The following SPEF2 variants were observed in gnomAD, a reference collection of about 807,000 sequenced individuals.
SPEF2 encodes the protein sperm flagellar and cilia associated 2.
Under a neutral mutation model 224.6 loss-of-function variants are expected in SPEF2, and 187 were observed. The ratio of observed to expected loss-of-function variants is 0.83; its 90% CI spans 0.74 to 0.94. The LOEUF (loss-of-function observed/expected upper bound fraction) is 0.94, where lower values mean the gene tolerates loss of function less well. Among genes scored for constraint, SPEF2 ranks in the 40% least tolerant of loss-of-function variants. The pLI, the probability that SPEF2 is intolerant of heterozygous loss-of-function variation, is 0.00. For synonymous variants in SPEF2, 715 were observed against 707.3 expected (o/e 1.01, Z -0.17); for missense variants, 2,170 against 2,135.6 (o/e 1.02, Z -0.32).
At chr5:35,759,856 G>GTT (rs11427107) in intron 25 of SPEF2, 137 bp downstream of exon 25, 17,445 of 573,470 alleles carry the variant, frequency 0.03, 2 homozygotes, top group East Asian at 0.039. Flanking sequence ...AACCAAACAT[G>GTT]TTTTTTTTTT....
At chr5:35,689,149 T>C (rs191353436) in intron 10 of SPEF2, among the ~76,000 whole-genome samples, 136 of 152,330 alleles carry the variant, frequency 8.9e-4, no homozygotes, top group African/African-American at 3.2e-3. Flanking sequence ...TTTTAATAAG[T>C]ATAGTTCTAT....
At chr5:35,715,301 C>T (rs1742330548) in intron 20 of SPEF2, among the ~76,000 whole-genome samples, 1 of 151,968 alleles carries the variant, frequency 6.6e-6, no homozygotes, top group Admixed American at 6.6e-5. Context: ...TCACTCAAAA[C>T]TCACTAATGA....
chr5:35,703,877 A>G (rs1217600189), intron 16 of SPEF2, among the ~76,000 whole-genome samples: 1 of 152,320 alleles, frequency 6.6e-6, no homozygotes, highest in East Asian at 1.9e-4. Context: ...CTCGAACTCT[A>G]TTAATTTGCT....
chr5:35,670,168 C>A lies in SPEF2; in HGVS notation c.1465C>A (p.Gln489Lys), dbSNP rs1341291779. The change falls in exon 10 of 37, where the codon CAA becomes AAA. Residue 489 changes from glutamine to lysine, a missense_variant. Coordinates refer to ENST00000356031, the MANE Select transcript of SPEF2 (RefSeq NM_024867.4). Reference protein sequence around the residue: ...KTLPANPSREQLTELEKRDLL... With the variant: ...KTLPANPSREKLTELEKRDLL... ...ACTACCTGCTAACCCCTCAAGAGAA[C>A]AACTTACAGAACTGGAGAAAAGGGA... The A allele has an allele frequency of 6.2e-7, 1 of 1,612,124 alleles. No homozygotes were observed. Among genetic ancestry groups the A allele is most frequent in the Non-Finnish European group, 8.5e-7 (1 of 1,178,822 alleles).
chr5:35,801,796 G>A (rs915857213), intron 34 of SPEF2, among the ~76,000 whole-genome samples: 3 of 152,138 alleles, frequency 2.0e-5, no homozygotes, highest in Non-Finnish European at 4.4e-5. Context: ...TGACTTCCTT[G>A]AGATCTGCTT....
At chr5:35,656,603 T>C (rs1748985830) in intron 7 of SPEF2, among the ~76,000 whole-genome samples, 1 of 152,214 alleles carries the variant, frequency 6.6e-6, no homozygotes, top group African/African-American at 2.4e-5. Context: ...GTGTGTTGGC[T>C]GCAAGGTTTT....
At position 35,623,855 on chromosome 5, in the gene SPEF2, A is replaced by G. The variant is rs547032419; in HGVS notation, c.59-4605A>G. ...AGTAATAATAACAATAAAAATAATC[A>G]CTGAGCTTTTACTGGGGACCAGGCA... On this transcript the variant is annotated intron_variant, in intron 1 of 36. Transcript: ENST00000356031. Among the ~76,000 whole-genome samples the G allele has an allele frequency of 1.1e-4, 16 of 152,376 alleles. No homozygotes were observed. The Middle Eastern group carries it at 0.01, about 97-fold the overall frequency.
At chr5:35,778,499 T>C (rs1195793006) in intron 29 of SPEF2, among the ~76,000 whole-genome samples, 1 of 152,172 alleles carries the variant, frequency 6.6e-6, no homozygotes, top group African/African-American at 2.4e-5. Flanking sequence ...TTCCCAGCTG[T>C]TGCTGCTTTA....
intron 1 of SPEF2, among the ~76,000 whole-genome samples, chr5:35,627,390 A>C (rs1011623255): frequency 6.6e-5 from 10 of 152,184 alleles, no homozygotes; most frequent in Admixed American, 3.9e-4. Flanking sequence ...TCATGAAGTC[A>C]AAAGATCGAG....
intron 8 of SPEF2, among the ~76,000 whole-genome samples, chr5:35,664,846 G>GAA (rs386403558): frequency 1.3e-5 from 2 of 150,034 alleles, no homozygotes; most frequent in Non-Finnish European, 3.0e-5. Flanking sequence ...AGGAGAGAGA[G>GAA]AAAACGAGGG....
intron 20 of SPEF2, among the ~76,000 whole-genome samples, chr5:35,715,816 C>CCTTTTTTTTTTTTTTTTTT (rs70973054): frequency 8.5e-6 from 1 of 117,936 alleles, no homozygotes; most frequent in African/African-American, 3.2e-5. Flanking sequence ...GATATAATTT[C>CCTTTTTTTTTTTTTTTTTT]TTTTTTTTTT....
chr5:35,712,875 T>C lies in SPEF2; in HGVS notation c.2903T>C (p.Leu968Pro). 3.7e-6 allele frequency: 6 copies of C among 1,613,602 alleles called. No homozygotes were observed. The South Asian group carries it at 6.6e-5, about 18-fold the overall frequency. Reference protein sequence around the residue: ...EGKGKKGETALKRKGSPKGKS... With the variant: ...EGKGKKGETAPKRKGSPKGKS... ...AAAGGGAAGAAAGGTGAGACCGCAC[T>C]CAAAAGAAAAGGTACAGCAGATAAA... Residue 968 changes from leucine to proline, a missense_variant, in exon 20 of 37, where the codon CTC (leucine) becomes CCC (proline). Physicochemically the swap from Leu to Pro is moderately conservative, Grantham distance 98. Transcript: ENST00000356031.
In SPEF2 at chr5:35,811,565, C is replaced by T. The variant is rs2149880567; in HGVS notation, c.5380-2899C>T. Among the ~76,000 whole-genome samples, 3 of 150,280 alleles carry T rather than the reference C, an allele frequency of 2.0e-5. 1 individual carries two copies. The South Asian group carries it at 6.3e-4, about 32-fold the overall frequency. On this transcript the variant is annotated intron_variant, in intron 36 of 36. Transcript: ENST00000356031. ...CCTTCGGCAAGTGACCTCAAAGTGC[C>T]TTGGTGTCTGCATCTGTAAAATAGG...
chr5:35,644,225 G>T, intron 3 of SPEF2, 130 bp from the exon 4 acceptor site: 2 of 741,296 alleles, frequency 2.7e-6, no homozygotes, highest in East Asian at 5.9e-5. Context: ...AATGGGGTTT[G>T]AATTTAGCTT....
rs757767008 is a variant in SPEF2, at chr5:35,686,388, G to GA, written c.1525-4646dup. The stretch of plus-strand genomic sequence containing the variant: ...GCAAATGGAATAATATCTAGGTAAT[G>GA]AAATTATTACATAATCATGTTACTA... On this transcript the variant is annotated intron_variant, in intron 10 of 36. Coordinates refer to ENST00000356031, the MANE Select transcript of SPEF2 (RefSeq NM_024867.4). Among the ~76,000 whole-genome samples the GA allele has an allele frequency of 5.9e-5, 9 of 152,104 alleles. No individual in the cohort carries two copies. The South Asian group carries it at 1.9e-3, about 32-fold the overall frequency.
chr5:35,623,737 G>C (rs1201005296), intron 1 of SPEF2, among the ~76,000 whole-genome samples: 1 of 152,150 alleles, frequency 6.6e-6, no homozygotes, highest in African/African-American at 2.4e-5. Flanking sequence ...ACTGAATTGT[G>C]TTTTAAACAC....
At chr5:35,666,211 C>T (rs1199098281) in intron 8 of SPEF2, among the ~76,000 whole-genome samples, 3 of 152,094 alleles carry the variant, frequency 2.0e-5, no homozygotes, top group East Asian at 3.8e-4. Flanking sequence ...TGGGTTGTTA[C>T]AGGAGGGAAG....
intron 24 of SPEF2, among the ~76,000 whole-genome samples, chr5:35,756,078 CATAA>C (rs1016261554): frequency 1.3e-5 from 2 of 152,120 alleles, no homozygotes; most frequent in African/African-American, 2.4e-5. Flanking sequence ...TGGAAATTTC[CATAA>C]ATAAATAATT....
In SPEF2 at chr5:35,771,764, T is replaced by C; in HGVS notation, c.3949+8T>C. On this transcript the variant is annotated splice_region_variant and intron_variant, in intron 27 of 36. Coordinates refer to ENST00000356031, the MANE Select transcript of SPEF2 (RefSeq NM_024867.4). ...AAGACAAAAAACCCAAAGGTATTTA[T>C]GGTTTTAGCACTCAGAACCCTGGAT... The C allele has an allele frequency of 6.3e-7, 1 of 1,586,010 alleles. No individual in the cohort carries two copies. The highest frequency in any genetic ancestry group is 2.2e-5 in the East Asian group (1 of 44,784).
Sources: allele counts gnomAD v4.1 joint callset (sites outside exome capture counted in the v4.1 genomes callset), GRCh38; gene constraint gnomAD v4.1.1; transcripts MANE v1.5; gene names NCBI Gene and HGNC (gene_info 2026-07-23, HGNC 2026-07-21).